The following CNKSR2 variants were observed in gnomAD, a reference collection of about 807,000 sequenced individuals.
CNKSR2 encodes the protein CNK homolog protein 2.
Under a neutral mutation model 84.4 loss-of-function variants are expected in CNKSR2, and 14 were observed. The ratio of observed to expected loss-of-function variants is 0.17; its 90% CI spans 0.11 to 0.26. The LOEUF is 0.26. Among genes scored for constraint, CNKSR2 ranks in the 10% least tolerant of loss-of-function variants. The probability of loss-of-function intolerance (pLI) is 1.00; values close to 1 mark genes in which losing one functional copy is unlikely to be tolerated. For synonymous variants in CNKSR2, 275 were observed against 277.9 expected (o/e 0.99, Z 0.10); for missense variants, 485 against 771.2 (o/e 0.63, Z 4.40).
intron 1 of CNKSR2, among the ~76,000 whole-genome samples, chrX:21,402,092 T>G (rs1002012745): frequency 9.0e-6 from 1 of 110,709 alleles, no homozygotes; most frequent in Non-Finnish European, 1.9e-5. Flanking sequence ...TTTCTCTAGT[T>G]CATCTTACCT....
chrX:21,385,345 T>C (rs1036978527), intron 1 of CNKSR2, among the ~76,000 whole-genome samples: 3 of 112,220 alleles, frequency 2.7e-5, no homozygotes, highest in Non-Finnish European at 5.6e-5. Flanking sequence ...TCTGTTGTGG[T>C]ATACTTAAAA....
At chrX:21,456,886 G>A (rs770531701) in intron 4 of CNKSR2, among the ~76,000 whole-genome samples, 84 of 111,422 alleles carry the variant, frequency 7.5e-4, no homozygotes, top group Non-Finnish European at 6.2e-4. Flanking sequence ...CTTATCTTTT[G>A]ACATTTTGAT....
At chrX:21,519,726 A>G (rs963194405) in intron 9 of CNKSR2, among the ~76,000 whole-genome samples, 1 of 111,362 alleles carries the variant, frequency 9.0e-6, no homozygotes, top group South Asian at 3.7e-4. Context: ...ATTTAACTCA[A>G]TATGTCTATT....
intron 20 of CNKSR2, among the ~76,000 whole-genome samples, chrX:21,614,593 A>G (rs1469958581): frequency 9.0e-6 from 1 of 111,366 alleles, no homozygotes; most frequent in African/African-American, 3.3e-5. Flanking sequence ...TTTAAAAAAA[A>G]CAGAAAAACC....
intron 9 of CNKSR2, among the ~76,000 whole-genome samples, chrX:21,519,415 A>G (rs1025659366): frequency 9.0e-5 from 10 of 111,056 alleles, no homozygotes; most frequent in African/African-American, 3.3e-4. Context: ...TCATGACTTT[A>G]TCTGAGGTCA....
chrX:21,563,483 A>G (rs1248379885), intron 13 of CNKSR2, 31 bp downstream of exon 13: 1 of 1,040,333 alleles, frequency 9.6e-7, no homozygotes, highest in African/African-American at 1.9e-5. Flanking sequence ...TCTTCAATAC[A>G]GCTTTTATTG....
intron 20 of CNKSR2, among the ~76,000 whole-genome samples, chrX:21,631,602 T>A (rs540378650): frequency 1.8e-5 from 2 of 112,166 alleles, no homozygotes; most frequent in African/African-American, 6.5e-5. Context: ...TGTTTCTGTG[T>A]ATTCTCTCAT....
At chrX:21,512,690 T>G (rs2147088925) in intron 8 of CNKSR2, among the ~76,000 whole-genome samples, 1 of 111,628 alleles carries the variant, frequency 9.0e-6, no homozygotes, top group Non-Finnish European at 1.9e-5. Context: ...CAAAATAGAT[T>G]AAAAAGAGGA....
intron 1 of CNKSR2, among the ~76,000 whole-genome samples, chrX:21,391,151 G>A (rs1490992993): frequency 8.9e-6 from 1 of 112,536 alleles, no homozygotes; most frequent in African/African-American, 3.2e-5. Context: ...GAGTGCCTAC[G>A]TCTTTTCCAG....
chrX:21,396,891 A>G (rs1336351864), intron 1 of CNKSR2, among the ~76,000 whole-genome samples: 5 of 111,994 alleles, frequency 4.5e-5, no homozygotes, highest in African/African-American at 1.6e-4. Context: ...GACATCCTCT[A>G]TTAGAAACAA....
At chrX:21,636,189 C>A (rs1318952269) in intron 20 of CNKSR2, among the ~76,000 whole-genome samples, 1 of 111,507 alleles carries the variant, frequency 9.0e-6, no homozygotes, top group East Asian at 2.8e-4. Context: ...TGGCAGTTCT[C>A]ATCACTGAGT....
At chrX:21,475,072 A>G (rs760890041) in intron 5 of CNKSR2, among the ~76,000 whole-genome samples, 1 of 112,291 alleles carries the variant, frequency 8.9e-6, no homozygotes, top group East Asian at 2.8e-4. Context: ...AATCTAGATT[A>G]AAAATGAGTA....
At chrX:21,499,922 A>G (rs760873611) in intron 7 of CNKSR2, among the ~76,000 whole-genome samples, 3 of 111,179 alleles carry the variant, frequency 2.7e-5, no homozygotes, top group East Asian at 5.6e-4. Flanking sequence ...TTTCTTCTAC[A>G]TAATGACTAG....
At chrX:21,411,701 C>T (rs2090347951) in intron 1 of CNKSR2, among the ~76,000 whole-genome samples, 1 of 111,155 alleles carries the variant, frequency 9.0e-6, no homozygotes, top group Non-Finnish European at 1.9e-5. Flanking sequence ...TCCCAGAAAA[C>T]TTACTCCTGA....
intron 4 of CNKSR2, among the ~76,000 whole-genome samples, chrX:21,457,145 A>G (rs2091005221): frequency 9.0e-6 from 1 of 111,191 alleles, no homozygotes; most frequent in Admixed American, 9.6e-5. Context: ...ATGGTTTGCA[A>G]ATATTTTCTC....
intron 11 of CNKSR2, among the ~76,000 whole-genome samples, chrX:21,543,085 G>A (rs1472808630): frequency 1.8e-5 from 2 of 112,516 alleles, no homozygotes; most frequent in Non-Finnish European, 3.8e-5. Flanking sequence ...GGGCCTATGG[G>A]CAATGACATC....
Position 21,374,701 on chromosome X carries a change from C to T in CNKSR2, c.-197C>T. 3.9e-6 allele frequency: 2 copies of T among 507,158 alleles called. No individual in the cohort carries two copies. The highest frequency in any genetic ancestry group is 7.1e-6 in the Non-Finnish European group (2 of 281,449). The allele number at this position is 507,158 out of a possible 1,213,427, so 41.8% of individuals were successfully genotyped here. A position where few individuals can be genotyped will look rare whatever the true frequency, so the allele number is the denominator to read the frequency against. ...GGAGCCACGACTCCTGCACGTTTAC[C>T]TCCCTGTCGCCGTTCCTGCCGGCGG... On this transcript the variant is annotated 5_prime_UTR_variant, in exon 1 of 22. Coordinates refer to ENST00000379510, the MANE Select transcript of CNKSR2 (RefSeq NM_014927.5).
chrX:21,469,934 G>C (rs970043306), intron 4 of CNKSR2, among the ~76,000 whole-genome samples: 4 of 111,954 alleles, frequency 3.6e-5, no homozygotes, highest in Admixed American at 9.5e-5. Flanking sequence ...AAATAAAATA[G>C]TGACATTAAT....
intron 20 of CNKSR2, among the ~76,000 whole-genome samples, chrX:21,627,260 A>G (rs189420322): frequency 1.9e-4 from 21 of 110,561 alleles, no homozygotes; most frequent in African/African-American, 6.9e-4. Flanking sequence ...TAGGAGGCCA[A>G]GGCAGGTGGA....
Sources: gnomAD v4.1 joint callset for allele counts (sites outside exome capture counted in the v4.1 genomes callset) on GRCh38, gnomAD v4.1.1 for gene constraint, MANE v1.5 for transcripts, NCBI Gene and HGNC (gene_info 2026-07-23, HGNC 2026-07-21) for gene names.